Variants in CD38 observed in about 807,000 individuals in gnomAD.
The protein encoded by CD38 is CD38 molecule.
CD38 carries 31 observed loss-of-function variants against 36.3 expected under a neutral mutation model. The ratio of observed to expected loss-of-function variants is 0.85; its 90% CI spans 0.64 to 1.15. The LOEUF (loss-of-function observed/expected upper bound fraction) is 1.15. Among genes scored for constraint, CD38 ranks in the 50% most tolerant of loss-of-function variants. The probability of loss-of-function intolerance (pLI) is 0.00; values close to 1 mark genes in which losing one functional copy is unlikely to be tolerated. For missense variants in CD38, 380 were observed against 371.9 expected, an observed-to-expected ratio of 1.02 and a Z score of -0.18; for synonymous variants, 131 against 135.2, an observed-to-expected ratio of 0.97 and a Z score of 0.22.
At chr4:15,790,704 C>G (rs369628821) in intron 1 of CD38, among the ~76,000 whole-genome samples, 1 of 150,914 alleles carries the variant, frequency 6.6e-6, no homozygotes, top group Non-Finnish European at 1.5e-5. Context: ...CGTCTCTGCC[C>G]GGCCGCCATC....
intron 3 of CD38, among the ~76,000 whole-genome samples, chr4:15,827,401 T>G (rs1265688035): frequency 6.6e-6 from 1 of 152,210 alleles, no homozygotes; most frequent in East Asian, 1.9e-4. Flanking sequence ...TAAAAAGATC[T>G]TCTTAGAGAA....
At chr4:15,835,621 G>A (rs1371406575) in intron 4 of CD38, among the ~76,000 whole-genome samples, 3 of 151,062 alleles carry the variant, frequency 2.0e-5, no homozygotes, top group Non-Finnish European at 3.0e-5. Flanking sequence ...CAGGTGATCC[G>A]CCAGCCTTGG....
chr4:15,791,042 G>A, intron 1 of CD38, among the ~76,000 whole-genome samples: 2 of 136,468 alleles, frequency 1.5e-5, no homozygotes, highest in Admixed American at 6.9e-5. Flanking sequence ...CCGGGAGGGA[G>A]GTGGGGGGGG....
chr4:15,826,459 GCACACACACA>G (rs67475051), intron 3 of CD38, among the ~76,000 whole-genome samples: 45 of 146,446 alleles, frequency 3.1e-4, no homozygotes, highest in Admixed American at 1.8e-3. Flanking sequence ...ACTTTTGTGC[GCACACACACA>G]CACACACACA....
rs1025163715 is a variant in CD38, at chr4:15,849,311, G to C, written c.*709G>C. 2.6e-5 allele frequency: 4 copies of C among 152,160 alleles called. No homozygotes were observed. The highest frequency in any genetic ancestry group is 2.0e-4 in the Admixed American group (3 of 15,264). The allele number at this position is 152,160 out of a possible 1,614,324, so 9.4% of individuals were successfully genotyped here. On this transcript the variant is annotated 3_prime_UTR_variant, in exon 8 of 8. Coordinates refer to ENST00000226279, the MANE Select transcript of CD38 (RefSeq NM_001775.4). ...TTTTGAACCAACCTAATAATTTACC[G>C]TAAGTCCTACATTTAGTATCAAGCT... is the stretch of plus-strand genomic sequence containing the variant.
At chr4:15,796,774 T>A (rs1723111851) in intron 1 of CD38, among the ~76,000 whole-genome samples, 1 of 152,188 alleles carries the variant, frequency 6.6e-6, no homozygotes, top group Non-Finnish European at 1.5e-5. Context: ...TGTCTTAGTT[T>A]TTTTCATTCT....
At position 15,830,877 on chromosome 4, in the gene CD38, G is replaced by A. The variant is rs556706538; in HGVS notation, c.500-3340G>A. ...TAGTCCATTTACATTTGACGTAAAT[G>A]TTATATTTTTAAGTAAGGACTTACT... On this transcript the variant is annotated intron_variant, in intron 3 of 7. Transcript: ENST00000226279. 3.9e-5 allele frequency among the ~76,000 whole-genome samples: 6 copies of A among 152,176 alleles called. 1 individual carries two copies. In the South Asian group the frequency reaches 1.2e-3, roughly 32 times the overall value.
Position 15,852,977 on chromosome 4 carries a change from A to G in CD38, c.*4375A>G, listed in dbSNP as rs1223586511. ...AGGCGCCCGCCATCTCGCCCGGCTAATTTTTTGTATTTTTAGTAGAGACGG... is the reference window on the plus strand; with the variant it reads ...AGGCGCCCGCCATCTCGCCCGGCTAGTTTTTTGTATTTTTAGTAGAGACGG... On this transcript the variant is annotated 3_prime_UTR_variant, in exon 8 of 8. Transcript: ENST00000226279. 1 of 152,004 alleles carries G rather than the reference A, an allele frequency of 6.6e-6. No homozygotes were observed. Among genetic ancestry groups the G allele is most frequent in the East Asian group, 1.9e-4 (1 of 5,178 alleles). 9.4% of individuals were successfully genotyped at this position (152,004 alleles called of 1,614,324 possible).
chr4:15,804,452 G>A (rs981374454), intron 1 of CD38, among the ~76,000 whole-genome samples: 4 of 152,092 alleles, frequency 2.6e-5, no homozygotes, highest in Non-Finnish European at 5.9e-5. Flanking sequence ...AAAATCATAT[G>A]TCGAAGAGAT....
At chr4:15,835,154 T>TA (rs1328059960) in intron 4 of CD38, among the ~76,000 whole-genome samples, 1 of 152,070 alleles carries the variant, frequency 6.6e-6, no homozygotes. Context: ...ATTTTGTATC[T>TA]TTTAACAAAT....
At chr4:15,790,561 C>T (rs1046133945) in intron 1 of CD38, among the ~76,000 whole-genome samples, 1 of 152,148 alleles carries the variant, frequency 6.6e-6, no homozygotes, top group Non-Finnish European at 1.5e-5. Context: ...CTTGGCCCCC[C>T]AAAGTGCCGA....
intron 1 of CD38, among the ~76,000 whole-genome samples, chr4:15,802,704 G>A (rs1304382323): frequency 6.6e-6 from 1 of 151,816 alleles, no homozygotes; most frequent in Non-Finnish European, 1.5e-5. Flanking sequence ...TTACAGACAT[G>A]CACTACCATG....
At chr4:15,784,969 TC>T (rs1380858470) in intron 1 of CD38, among the ~76,000 whole-genome samples, 2 of 151,918 alleles carry the variant, frequency 1.3e-5, no homozygotes, top group African/African-American at 4.8e-5. Flanking sequence ...GGCAGGAGAA[TC>T]GCTTGAACCT....
At position 15,790,359 on chromosome 4, in the gene CD38, G is replaced by A. The variant is rs62290645; in HGVS notation, c.233+11712G>A. Among the ~76,000 whole-genome samples the A allele has an allele frequency of 5.2e-3, 792 of 151,466 alleles. 2 individuals carry two copies. Among genetic ancestry groups the A allele is most frequent in the African/African-American group, 0.018 (752 of 41,346 alleles). ...GACTGGTTTTCGTTTTTTTTTTTTG[G>A]TGGAGACGGGGTTTTGCTGTGTTGG... On this transcript the variant is annotated intron_variant, in intron 1 of 7. Coordinates refer to ENST00000226279, the MANE Select transcript of CD38 (RefSeq NM_001775.4).
chr4:15,787,657 C>G (rs1722871213), intron 1 of CD38, among the ~76,000 whole-genome samples: 1 of 152,178 alleles, frequency 6.6e-6, no homozygotes, highest in Middle Eastern at 3.2e-3. Flanking sequence ...CTCCTGGTTG[C>G]CAGGACGTGT....
Position 15,824,504 on chromosome 4 carries a change from A to C in CD38, c.364-377A>C, listed in dbSNP as rs146467795. On this transcript the variant is annotated intron_variant, in intron 2 of 7. Transcript: ENST00000226279. ...TAGTTCTTTAAGAATCAAATAGCAC[A>C]TCTTCCTGAAAATAGCACGTAGACA... Among the ~76,000 whole-genome samples the C allele has an allele frequency of 4.6e-3, 694 of 152,232 alleles. 7 individuals carry two copies. The highest frequency in any genetic ancestry group is 0.016 in the African/African-American group (663 of 41,526).
At chr4:15,787,661 G>A (rs573096470) in intron 1 of CD38, among the ~76,000 whole-genome samples, 10 of 152,320 alleles carry the variant, frequency 6.6e-5, no homozygotes, top group African/African-American at 2.4e-4. Context: ...TGGTTGCCAG[G>A]ACGTGTTCCT....
chr4:15,785,395 C>A (rs1222129243), intron 1 of CD38, among the ~76,000 whole-genome samples: 1 of 152,038 alleles, frequency 6.6e-6, no homozygotes, highest in Admixed American at 6.5e-5. Flanking sequence ...ATTTCTATAC[C>A]TTTTGGCCTT....
At chr4:15,830,855 T>C (rs1174515380) in intron 3 of CD38, among the ~76,000 whole-genome samples, 2 of 152,158 alleles carry the variant, frequency 1.3e-5, no homozygotes, top group Non-Finnish European at 2.9e-5. Flanking sequence ...TAGAGTTTAG[T>C]CCATTTACAT....
Sources: gnomAD v4.1 joint callset for allele counts (sites outside exome capture counted in the v4.1 genomes callset) on GRCh38, gnomAD v4.1.1 for gene constraint, MANE v1.5 for transcripts, NCBI Gene and HGNC (gene_info 2026-07-23, HGNC 2026-07-21) for gene names.